WDR73: variants seen among roughly 807,000 people sequenced by gnomAD.
The protein encoded by WDR73 is integrator complex assembly factor WDR73.
Under a neutral mutation model 38.2 loss-of-function variants are expected in WDR73, and 30 were observed. The ratio of observed to expected loss-of-function variants is 0.79; its 90% CI spans 0.59 to 1.06. The LOEUF is 1.06. Ranked by LOEUF, WDR73 falls within the 50% of genes least tolerant of loss-of-function variation. WDR73 has a pLI of 0.00. For missense variants in WDR73, 487 were observed against 467.0 expected (o/e 1.04, Z -0.40); for synonymous variants, 197 against 176.0 (o/e 1.12, Z -0.94).
At chr15:84,646,425 C>T in intron 5 of WDR73, 77 bp from the exon 6 acceptor site, 2 of 1,526,072 alleles carry the variant, frequency 1.3e-6, no homozygotes, top group South Asian at 1.3e-5. Flanking sequence ...GCTGTCTTCC[C>T]CTGTACATTT....
intron 1 of WDR73, 130 bp downstream of exon 1, chr15:84,654,104 C>A: frequency 8.0e-7 from 1 of 1,243,292 alleles, no homozygotes. Context: ...GAGTCCTCCA[C>A]GGTGGCGAGC....
intron 3 of WDR73, among the ~76,000 whole-genome samples, chr15:84,650,535 A>G (rs1396209207): frequency 6.6e-6 from 1 of 152,062 alleles, no homozygotes; most frequent in African/African-American, 2.4e-5. Flanking sequence ...TAATTTTTGT[A>G]TTATTAGTAG....
rs1048686548 is a variant in WDR73 at position 84,643,591 on chromosome 15, T to A, written c.1016A>T (p.Asp339Val). The change falls in exon 8 of 8, where the codon GAC becomes GTC. Residue 339 changes from aspartate to valine, a missense_variant. By Grantham distance (152) the Asp-to-Val change is radical (BLOSUM62 -3). Coordinates refer to ENST00000434634, the MANE Select transcript of WDR73 (RefSeq NM_032856.5). ...GHIFLDGNGM[D>V]PAPLVTTHTW... ...GTGGGTGGTGACCAAAGGAGCAGGG[T>A]CCATCCCATTTCCATCTAGGAAGAT... 1 of 1,612,630 alleles carries A rather than the reference T, an allele frequency of 6.2e-7. No individual in the cohort carries two copies. The highest frequency in any genetic ancestry group is 1.1e-5 in the South Asian group (1 of 90,652).
intron 2 of WDR73, 105 bp downstream of exon 2, chr15:84,653,527 C>A: frequency 1.3e-6 from 1 of 764,356 alleles, no homozygotes; most frequent in East Asian, 2.7e-5. Flanking sequence ...CTACAAGTGA[C>A]TCTCAGGTGC....
In WDR73 at chr15:84,649,479, C is replaced by CT. The variant is rs1038055840; in HGVS notation, c.199-855dup. On this transcript the variant is annotated intron_variant, in intron 3 of 7. Transcript: ENST00000434634. ...AATTTGGCTTTTTTTTTTTTTTTAA[C>CT]TTTTTTTTGAGACAGAGTCTCACTC... Among the ~76,000 whole-genome samples the CT allele has an allele frequency of 6.9e-4, 99 of 142,588 alleles. 1 individual carries two copies. Among genetic ancestry groups the CT allele is most frequent in the Middle Eastern group, 7.3e-3 (2 of 274 alleles). 93.5% of individuals were successfully genotyped at this position (142,588 alleles called of 152,430 possible).
rs897973475 is a variant in WDR73 at position 84,641,185 on chromosome 15, C to T, written c.*2285G>A. The T allele has an allele frequency of 6.6e-6, 1 of 150,720 alleles. No homozygotes were observed. Among genetic ancestry groups the T allele is most frequent in the Non-Finnish European group, 1.5e-5 (1 of 68,030 alleles). 9.3% of individuals were successfully genotyped at this position (150,720 alleles called of 1,614,324 possible). On this transcript the variant is annotated 3_prime_UTR_variant, in exon 8 of 8. Transcript: ENST00000434634. ...CCAGTTCCCCAGCCAGATGGGGTCA[C>T]AATGCTGCAGAAAAGTGAAGAGCTT...
chr15:84,640,203 G>A lies in WDR73; in HGVS notation c.*3267C>T, dbSNP rs1195204340. On this transcript the variant is annotated 3_prime_UTR_variant, in exon 8 of 8. Transcript: ENST00000434634. ...CCCCACAATGGACCTCAGAGCAGTG[G>A]GAGCGACGCAGTCCTGTGGGAAGCA... The A allele has an allele frequency of 6.6e-6, 1 of 152,220 alleles. No individual in the cohort carries two copies. The highest frequency in any genetic ancestry group is 2.4e-5 in the African/African-American group (1 of 41,444). 9.4% of individuals were successfully genotyped at this position (152,220 alleles called of 1,614,324 possible). A position where few individuals can be genotyped will look rare whatever the true frequency, so the allele number is the denominator to read the frequency against.
At chr15:84,654,010 C>G (rs1207583863) in intron 1 of WDR73, 2 of 624,944 alleles carry the variant, frequency 3.2e-6, no homozygotes, top group African/African-American at 1.8e-5. Flanking sequence ...TGCGTCTTCA[C>G]AAGCGCGGCT....
chr15:84,645,414 A>G, intron 7 of WDR73, 57 bp downstream of exon 7: 1 of 1,600,872 alleles, frequency 6.2e-7, no homozygotes, highest in South Asian at 1.1e-5. Context: ...CTGAGCACCC[A>G]ACAGTCTCCT....
chr15:84,643,870 G>GC, intron 7 of WDR73, 147 bp from the exon 8 acceptor site: 1 of 999,130 alleles, frequency 1.0e-6, no homozygotes, highest in Non-Finnish European at 1.4e-6. Context: ...TCCCATCTCA[G>GC]CCTCCCAAAA....
chr15:84,652,727 A>G lies in WDR73; in HGVS notation c.185T>C (p.Val62Ala). The change falls in exon 3 of 8, where the codon GTA (valine) becomes GCA (alanine). Residue 62 changes from valine to alanine, a missense_variant. By Grantham distance (64) the Val-to-Ala change is moderately conservative. Coordinates refer to ENST00000434634, the MANE Select transcript of WDR73 (RefSeq NM_032856.5). Reference sequence around the variant, plus strand: ...ATTTTAAGTTACCTTGTTTTCCTTTACAGAAAGTCTGAGAGGTAATTTCAG... The same window carrying G: ...ATTTTAAGTTACCTTGTTTTCCTTTGCAGAAAGTCTGAGAGGTAATTTCAG... ...LHLKLPLRLS[V>A]KENKGLFPER... The G allele has an allele frequency of 6.6e-7, 1 of 1,515,730 alleles. No individual in the cohort carries two copies. Among genetic ancestry groups the G allele is most frequent in the Non-Finnish European group, 8.9e-7 (1 of 1,128,174 alleles). 93.9% of individuals were successfully genotyped at this position (1,515,730 alleles called of 1,614,324 possible).
At position 84,646,184 on chromosome 15, in the gene WDR73, C is replaced by G; in HGVS notation, c.517G>C (p.Asp173His). Reference sequence around the variant, plus strand: ...AGCAAGGGACAAAGTACCACGGTACCTGAGGTGTACGTGGTCTTCCGGGAC... The same window carrying G: ...AGCAAGGGACAAAGTACCACGGTACGTGAGGTGTACGTGGTCTTCCGGGAC... ...LESRKTTYTSDVSDSEELSSL... is the reference protein window; with the variant it reads ...LESRKTTYTSHVSDSEELSSL... The change falls in exon 6 of 8, where the codon GAT (aspartate) becomes CAT (histidine). Residue 173 changes from aspartate (D) to histidine (H), a missense_variant and splice_region_variant. Asp to His is a moderately conservative substitution (Grantham distance 81). Coordinates refer to ENST00000434634, the MANE Select transcript of WDR73 (RefSeq NM_032856.5). The G allele has an allele frequency of 6.2e-7, 1 of 1,613,630 alleles. No individual in the cohort carries two copies. The highest frequency in any genetic ancestry group is 1.1e-5 in the South Asian group (1 of 91,084).
At chr15:84,648,758 G>A in intron 3 of WDR73, 133 bp from the exon 4 acceptor site, 1 of 691,774 alleles carries the variant, frequency 1.4e-6, no homozygotes, top group Middle Eastern at 2.5e-4. Context: ...GGGCGTTGGT[G>A]TCCTGGTATT....
At chr15:84,652,388 C>G (rs1022510098) in intron 3 of WDR73, among the ~76,000 whole-genome samples, 7 of 152,128 alleles carry the variant, frequency 4.6e-5, no homozygotes, top group Non-Finnish European at 1.0e-4. Flanking sequence ...CTATATTCTC[C>G]TCACTCCTTA....
rs1489593000 is a variant in WDR73, at chr15:84,640,194, A to G, written c.*3276T>C. ...GCAACTCTCCCCCACAATGGACCTC[A>G]GAGCAGTGGGAGCGACGCAGTCCTG... On this transcript the variant is annotated 3_prime_UTR_variant, in exon 8 of 8. Coordinates refer to ENST00000434634, the MANE Select transcript of WDR73 (RefSeq NM_032856.5). The G allele has an allele frequency of 3.3e-5, 5 of 152,238 alleles. No homozygotes were observed. The highest frequency in any genetic ancestry group is 5.9e-5 in the Non-Finnish European group (4 of 68,084). The allele number at this position is 152,238 out of a possible 1,614,324, so 9.4% of individuals were successfully genotyped here.
At position 84,642,471 on chromosome 15, in the gene WDR73, TTGTGTG is replaced by T. The variant is rs200304951; in HGVS notation, c.*993_*998del. ...TGACAGAGTGAACAACTTATCTATTTTGTGTGTGTGTGTGTAACAGGGTCTCATTCT... is the reference window on the plus strand; with the variant it reads ...TGACAGAGTGAACAACTTATCTATTTTGTGTGTGTAACAGGGTCTCATTCT... On this transcript the variant is annotated 3_prime_UTR_variant, in exon 8 of 8. Transcript: ENST00000434634. 6.6e-6 allele frequency: 1 copy of T among 151,760 alleles called. No homozygotes were observed. The highest frequency in any genetic ancestry group is 2.4e-5 in the African/African-American group (1 of 41,290). 9.4% of individuals were successfully genotyped at this position (151,760 alleles called of 1,614,324 possible).
intron 3 of WDR73, among the ~76,000 whole-genome samples, chr15:84,652,227 G>A (rs140067984): frequency 1.9e-3 from 284 of 151,938 alleles, no homozygotes; most frequent in Non-Finnish European, 3.3e-3. Context: ...TTTTTTTCTT[G>A]AGAAGTTCTC....
At position 84,643,645 on chromosome 15, in the gene WDR73, A is replaced by ACTTGGCTCCGTGTTCCAT. The variant is rs11267906; in HGVS notation, c.944_961dup (p.Asp315_Gln320dup). On this transcript the variant is annotated inframe_insertion, in exon 8 of 8. Transcript: ENST00000434634. The stretch of plus-strand genomic sequence containing the variant: ...ACCTCTGTGAGTGAAGAGAGGTTCT[A>ACTTGGCTCCGTGTTCCAT]CTTGGCTCCGTGTTCCATCTTGGCT... The ACTTGGCTCCGTGTTCCAT allele has an allele frequency of 8.4e-5, 135 of 1,612,194 alleles. No individual in the cohort carries two copies. The highest frequency in any genetic ancestry group is 6.6e-4 in the Middle Eastern group (4 of 6,076).
chr15:84,649,031 A>G (rs1201656955), intron 3 of WDR73, among the ~76,000 whole-genome samples: 4 of 152,228 alleles, frequency 2.6e-5, no homozygotes, highest in Non-Finnish European at 5.9e-5. Flanking sequence ...ATCAGTATTC[A>G]CTGTGTCAGG....
Sources: gnomAD v4.1 joint callset for allele counts (sites outside exome capture counted in the v4.1 genomes callset) on GRCh38, gnomAD v4.1.1 for gene constraint, MANE v1.5 for transcripts, NCBI Gene and HGNC (gene_info 2026-07-23, HGNC 2026-07-21) for gene names.